Variants in HAUS7 observed in about 807,000 individuals in gnomAD.
The protein encoded by HAUS7 is HAUS augmin like complex subunit 7, also known as HAUS augmin-like complex subunit 7.
Under a neutral mutation model 28.4 loss-of-function variants are expected in HAUS7, and 3 were observed. That is an observed-to-expected ratio of 0.11 (90% CI 0.05 to 0.27). The LOEUF is 0.27. Among genes scored for constraint, HAUS7 ranks in the 10% least tolerant of loss-of-function variants. HAUS7 has a pLI of 1.00. For missense variants in HAUS7, 284 were observed against 297.3 expected, an observed-to-expected ratio of 0.96 and a Z score of 0.33; for synonymous variants, 165 against 132.1, an observed-to-expected ratio of 1.25 and a Z score of -1.71.
At chrX:153,463,202 T>A (rs1556983725) in intron 3 of HAUS7, 1 of 311,700 alleles carries the variant, frequency 3.2e-6, no homozygotes, top group Non-Finnish European at 6.3e-6. Flanking sequence ...CAGGGCATTT[T>A]CTGAGTAACT....
chrX:153,457,216 C>A lies in HAUS7; in HGVS notation c.367G>T (p.Ala123Ser). The change falls in exon 5 of 10, where the codon GCC (alanine) becomes TCC (serine). Residue 123 changes from alanine to serine, a missense_variant. Physicochemically the swap from Ala to Ser is moderately conservative, Grantham distance 99. Transcript: ENST00000370211. ...TCCATGAAGTGTAGCTGCTTCTGGG[C>A]GCAGGCACAGCCCTGGGCAAGGAAG... ...DQELLKGCACAQKQLHFMDQL... is the reference protein window; with the variant it reads ...DQELLKGCACSQKQLHFMDQL... The A allele has an allele frequency of 8.4e-7, 1 of 1,189,294 alleles. No homozygotes were observed.
intron 1 of HAUS7, among the ~76,000 whole-genome samples, chrX:153,469,777 G>A (rs2089496979): frequency 8.9e-6 from 1 of 111,964 alleles, no homozygotes; most frequent in Non-Finnish European, 1.9e-5. Flanking sequence ...GGGCTCTTGT[G>A]GCAGCAGGAC....
intron 1 of HAUS7, among the ~76,000 whole-genome samples, chrX:153,484,782 G>C (rs1044465508): frequency 8.8e-6 from 1 of 113,060 alleles, no homozygotes; most frequent in Non-Finnish European, 1.9e-5. Flanking sequence ...TTCCACTCCC[G>C]CCACGAGGCC....
At chrX:153,466,735 C>T (rs781783797) in intron 2 of HAUS7, among the ~76,000 whole-genome samples, 2 of 112,155 alleles carry the variant, frequency 1.8e-5, no homozygotes, top group South Asian at 7.3e-4. Flanking sequence ...TCAAAGGATT[C>T]GGTTTCTGGT....
chrX:153,464,172 C>T (rs1018666292), intron 3 of HAUS7, among the ~76,000 whole-genome samples: 4 of 112,806 alleles, frequency 3.5e-5, no homozygotes, highest in Non-Finnish European at 7.5e-5. Context: ...TTCATCCCCA[C>T]TTGACAGGAG....
At chrX:153,466,197 C>T (rs1361480453) in intron 2 of HAUS7, among the ~76,000 whole-genome samples, 2 of 112,837 alleles carry the variant, frequency 1.8e-5, no homozygotes, top group Non-Finnish European at 3.8e-5. Flanking sequence ...GGGAGGCCAG[C>T]AGGCTGGGCT....
At chrX:153,469,984 C>T (rs890544248) in intron 1 of HAUS7, among the ~76,000 whole-genome samples, 20 of 111,336 alleles carry the variant, frequency 1.8e-4, no homozygotes, top group African/African-American at 6.5e-4. Flanking sequence ...CTCACTGCTG[C>T]AGTGAGGGCT....
chrX:153,454,511 GGGGA>G lies in HAUS7; in HGVS notation c.931-7_931-4del, dbSNP rs371637396. Reference sequence around the variant, plus strand: ...ACTGCCATGACCACTTGCAGCAGCTGGGGAGGGAGGGAGGGAGGGAGGGAGGGAG... The same window carrying G: ...ACTGCCATGACCACTTGCAGCAGCTGGGGAGGGAGGGAGGGAGGGAGGGAG... On this transcript the variant is annotated splice_region_variant and splice_polypyrimidine_tract_variant and intron_variant, in intron 8 of 9. Transcript: ENST00000370211. The G allele has an allele frequency of 0.21, 117,462 of 556,691 alleles. 18,946 individuals are homozygous for G. Among genetic ancestry groups the G allele is most frequent in the East Asian group, 0.78 (14,886 of 19,124 alleles). The allele number at this position is 556,691 out of a possible 1,213,427, so 45.9% of individuals were successfully genotyped here.
chrX:153,492,039 G>A (rs1331618214), intron 1 of HAUS7, among the ~76,000 whole-genome samples: 3 of 112,442 alleles, frequency 2.7e-5, no homozygotes, highest in Non-Finnish European at 5.7e-5. Flanking sequence ...GTCTGCCGCG[G>A]GTTCCTGGGG....
At position 153,469,354 on chromosome X, in the gene HAUS7, C is replaced by T. The variant is rs782086789; in HGVS notation, c.109-93G>A. ...TATTTATTTTTGAGACGGAGTCTCA[C>T]TCTGTCGCCCAGCCTGGATGGAGTG... On this transcript the variant is annotated intron_variant, in intron 1 of 9. Transcript: ENST00000370211. 1.5e-5 allele frequency: 7 copies of T among 455,366 alleles called. No individual in the cohort carries two copies. The Admixed American group carries it at 2.4e-4, about 16-fold the overall frequency. 37.5% of individuals were successfully genotyped at this position (455,366 alleles called of 1,213,427 possible). A position where few individuals can be genotyped will look rare whatever the true frequency, so the allele number is the denominator to read the frequency against.
Position 153,462,634 on chromosome X carries a change from C to A in HAUS7, c.330G>T (p.Ala110=), listed in dbSNP as rs781986502. ...TKLGHELMLC[A]PDDQELLKGC... Reference sequence around the variant, plus strand: ...CCTTGAGGAGCTCCTGGTCATCTGGCGCACACAGCATCAGCTCGTGGCCCA... The same window carrying A: ...CCTTGAGGAGCTCCTGGTCATCTGGAGCACACAGCATCAGCTCGTGGCCCA... The change falls in exon 4 of 10, where the codon GCG becomes GCT. Residue 110 remains alanine (A), a synonymous_variant. Transcript: ENST00000370211. The A allele has an allele frequency of 1.7e-6, 2 of 1,205,785 alleles. No homozygotes were observed. Among genetic ancestry groups the A allele is most frequent in the South Asian group, 1.8e-5 (1 of 56,790 alleles).
chrX:153,480,915 G>T (rs2089595689), intron 1 of HAUS7: 4 of 753,820 alleles, frequency 5.3e-6, no homozygotes, highest in Admixed American at 1.7e-4. Context: ...AGCTCAAGAG[G>T]GGGCAGCAGT....
At chrX:153,492,162 C>A (rs997010840) in intron 1 of HAUS7, among the ~76,000 whole-genome samples, 1 of 113,508 alleles carries the variant, frequency 8.8e-6, no homozygotes, top group Non-Finnish European at 1.9e-5. Context: ...CCTGCTTCCC[C>A]CTGCCTCCTC....
chrX:153,474,398 G>A (rs1173847226), upstream of HAUS7, among the ~76,000 whole-genome samples: 1 of 111,846 alleles, frequency 8.9e-6, no homozygotes, highest in East Asian at 2.8e-4. Flanking sequence ...TACCACCATC[G>A]CCATCACCAT....
intron 9 of HAUS7, among the ~76,000 whole-genome samples, chrX:153,448,534 AAAGTAT>A (rs1449046216): frequency 1.8e-5 from 2 of 110,692 alleles, no homozygotes; most frequent in African/African-American, 6.5e-5. Context: ...CCTAGAACTT[AAAGTAT>A]AATAAAAATA....
At chrX:153,455,322 A>G in intron 8 of HAUS7, 1 of 444,470 alleles carries the variant, frequency 2.2e-6, no homozygotes, top group Non-Finnish European at 3.9e-6. Flanking sequence ...GGCAGGTCCA[A>G]GGACCAGAAG....
chrX:153,463,099 G>C (rs1349063967), intron 3 of HAUS7: 1 of 336,100 alleles, frequency 3.0e-6, no homozygotes, highest in Non-Finnish European at 5.7e-6. Flanking sequence ...CCTGCCAGCA[G>C]CCCTGGGGGT....
At chrX:153,486,218 C>G in intron 1 of HAUS7, 1 of 489,524 alleles carries the variant, frequency 2.0e-6, no homozygotes, top group Non-Finnish European at 2.9e-6. Flanking sequence ...CTAGGACAGG[C>G]TGGCCTTTGG....
chrX:153,471,122 C>T (rs1214082259), upstream of HAUS7: 3 of 282,336 alleles, frequency 1.1e-5, no homozygotes, highest in African/African-American at 8.2e-5. Context: ...CGCGGGGCTC[C>T]GTCTTCTCTT....
Sources: gnomAD v4.1 joint callset for allele counts (sites outside exome capture counted in the v4.1 genomes callset) on GRCh38, gnomAD v4.1.1 for gene constraint, MANE v1.5 for transcripts, NCBI Gene and HGNC (gene_info 2026-07-23, HGNC 2026-07-21) for gene names.